KIAA1217: variants seen among roughly 807,000 people sequenced by gnomAD.
KIAA1217 encodes the protein sickle tail protein homolog.
KIAA1217 carries 88 observed loss-of-function variants against 163.9 expected under a neutral mutation model. The ratio of observed to expected loss-of-function variants is 0.54; its 90% CI spans 0.45 to 0.64. The LOEUF (loss-of-function observed/expected upper bound fraction) is 0.64. Ranked by LOEUF, KIAA1217 falls within the 30% of genes least tolerant of loss-of-function variation. The probability of loss-of-function intolerance (pLI) is 0.00; values close to 1 mark genes in which losing one functional copy is unlikely to be tolerated. For synonymous variants in KIAA1217, 903 were observed against 923.1 expected (o/e 0.98, Z 0.39); for missense variants, 2,372 against 2,475.0 (o/e 0.96, Z 0.88).
chr10:24,274,450 C>T (rs570318244), intron 2 of KIAA1217, among the ~76,000 whole-genome samples: 1 of 151,980 alleles, frequency 6.6e-6, no homozygotes, highest in South Asian at 2.1e-4. Flanking sequence ...GTTCTCACAT[C>T]TGCAAAAAAA....
At chr10:23,787,511 A>T (rs1323742406) in intron 1 of KIAA1217, among the ~76,000 whole-genome samples, 1 of 152,108 alleles carries the variant, frequency 6.6e-6, no homozygotes, top group Non-Finnish European at 1.5e-5. Flanking sequence ...GGATCCTAGA[A>T]AATAGACCAT....
chr10:24,478,814 T>G (rs1186482292), intron 6 of KIAA1217, among the ~76,000 whole-genome samples: 2 of 152,246 alleles, frequency 1.3e-5, no homozygotes, highest in African/African-American at 4.8e-5. Flanking sequence ...ATTTATGTTT[T>G]GCTATTTTCT....
chr10:24,220,001 T>C (rs2069358873), intron 2 of KIAA1217, 92 bp downstream of exon 2: 1 of 1,323,524 alleles, frequency 7.6e-7, no homozygotes, highest in Non-Finnish European at 1.0e-6. Context: ...AGGTAAAGGA[T>C]AGCTTAGTGG....
rs1839095345 is a variant in KIAA1217, at chr10:23,847,462, T to C, written c.-321+152228T>C. Among the ~76,000 whole-genome samples the C allele has an allele frequency of 3.9e-5, 6 of 152,192 alleles. No homozygotes were observed. The South Asian group carries it at 1.2e-3, about 32-fold the overall frequency. On this transcript the variant is annotated intron_variant, in intron 1 of 18. Transcript: ENST00000376462. ...TTCCTGGTTTAAACTCGGGAGGGTG[T>C]ATGTGTCCAGGAATTTATCCATTTC...
At chr10:24,059,003 T>A (rs1480066909) in intron 2 of KIAA1217, among the ~76,000 whole-genome samples, 2 of 152,210 alleles carry the variant, frequency 1.3e-5, no homozygotes, top group Non-Finnish European at 2.9e-5. Context: ...TTGAGTATGA[T>A]GTTAGCCATG....
At chr10:23,761,253 A>G (rs1185100967) in intron 1 of KIAA1217, among the ~76,000 whole-genome samples, 6 of 152,136 alleles carry the variant, frequency 3.9e-5, no homozygotes, top group African/African-American at 1.4e-4. Context: ...AAAAACAAAC[A>G]AACAAAAAAC....
rs151140087 is a variant in KIAA1217, at chr10:24,443,524, A to G, written c.846+5045A>G. Among the ~76,000 whole-genome samples the G allele has an allele frequency of 2.0e-3, 306 of 151,906 alleles. 2 individuals are homozygous for G. Among genetic ancestry groups the G allele is most frequent in the Admixed American group, 4.2e-3 (64 of 15,244 alleles). Reference sequence around the variant, plus strand: ...TTCTACTCATCTAACATATTCCAGAACAATTGTCTAATTCCTTCAGCAAAT... The same window carrying G: ...TTCTACTCATCTAACATATTCCAGAGCAATTGTCTAATTCCTTCAGCAAAT... On this transcript the variant is annotated intron_variant, in intron 5 of 20. Transcript: ENST00000376454.
At chr10:23,872,725 A>G (rs549300212) in intron 1 of KIAA1217, among the ~76,000 whole-genome samples, 2 of 152,236 alleles carry the variant, frequency 1.3e-5, no homozygotes, top group Non-Finnish European at 2.9e-5. Context: ...AACATCTTGG[A>G]AAAACAAGCT....
intron 2 of KIAA1217, among the ~76,000 whole-genome samples, chr10:24,153,578 A>G (rs1387159322): frequency 6.6e-6 from 1 of 152,348 alleles, no homozygotes; most frequent in East Asian, 1.9e-4. Context: ...TAAGCAGCCT[A>G]TTATAATCCA....
At chr10:24,349,150 AAAAG>A (rs1305322477) in intron 2 of KIAA1217, among the ~76,000 whole-genome samples, 2 of 151,762 alleles carry the variant, frequency 1.3e-5, no homozygotes, top group Non-Finnish European at 1.5e-5. Context: ...AAAAAAAAAA[AAAAG>A]AGAGATTGAG....
At chr10:23,980,771 C>T (rs1272849835) in intron 1 of KIAA1217, among the ~76,000 whole-genome samples, 1 of 152,136 alleles carries the variant, frequency 6.6e-6, no homozygotes, top group East Asian at 1.9e-4. Context: ...TGACTTGGGT[C>T]ACAATTCCGT....
At chr10:23,876,768 T>C (rs1840717628) in intron 1 of KIAA1217, among the ~76,000 whole-genome samples, 2 of 151,936 alleles carry the variant, frequency 1.3e-5, no homozygotes, top group Non-Finnish European at 2.9e-5. Flanking sequence ...CCTTTGAAAG[T>C]TTTACATTTC....
At chr10:23,829,374 C>T (rs1838063234) in intron 1 of KIAA1217, among the ~76,000 whole-genome samples, 1 of 152,180 alleles carries the variant, frequency 6.6e-6, no homozygotes, top group African/African-American at 2.4e-5. Context: ...GGCAAACTCT[C>T]AGCTCTGTTA....
At chr10:23,786,210 G>T (rs921945030) in intron 1 of KIAA1217, among the ~76,000 whole-genome samples, 3 of 152,102 alleles carry the variant, frequency 2.0e-5, no homozygotes, top group Admixed American at 6.6e-5. Flanking sequence ...AGCTGAAAGA[G>T]TCTAGGAAGG....
At chr10:23,770,684 G>A (rs1453108445) in intron 1 of KIAA1217, among the ~76,000 whole-genome samples, 2 of 152,156 alleles carry the variant, frequency 1.3e-5, no homozygotes, top group Non-Finnish European at 2.9e-5. Context: ...AGTCAATGTA[G>A]GTTTTCTAGC....
At chr10:24,144,438 A>G (rs961977189) in intron 2 of KIAA1217, among the ~76,000 whole-genome samples, 4 of 152,252 alleles carry the variant, frequency 2.6e-5, no homozygotes, top group Non-Finnish European at 5.9e-5. Context: ...TAAGGCACAC[A>G]CATCTGCTTT....
intron 3 of KIAA1217, 46 bp downstream of exon 3, chr10:24,381,113 C>A (rs185271657): frequency 2.3e-5 from 33 of 1,406,966 alleles, no homozygotes; most frequent in Non-Finnish European, 3.1e-5. Flanking sequence ...TTACTGAATG[C>A]GTTTGTTGTT....
chr10:23,892,533 A>G (rs190441924), intron 1 of KIAA1217, among the ~76,000 whole-genome samples: 23 of 151,888 alleles, frequency 1.5e-4, no homozygotes, highest in Non-Finnish European at 2.8e-4. Flanking sequence ...TCTGCTGGCA[A>G]ACTCTGGCCT....
chr10:24,018,477 G>T lies in KIAA1217; in HGVS notation c.-171+11103G>T, dbSNP rs191010778. Among the ~76,000 whole-genome samples the T allele has an allele frequency of 8.1e-3, 1,237 of 151,996 alleles. 15 individuals are homozygous for T. Among genetic ancestry groups the T allele is most frequent in the African/African-American group, 0.028 (1,168 of 41,488 alleles). On this transcript the variant is annotated intron_variant, in intron 2 of 18. Transcript: ENST00000376462. ...AATGCTAAATGATGAGTTAATGGGT[G>T]CAGCACACCAACATGGCACATGTAT...
Sources: gnomAD v4.1 joint callset for allele counts (sites outside exome capture counted in the v4.1 genomes callset) on GRCh38, gnomAD v4.1.1 for gene constraint, MANE v1.5 for transcripts, NCBI Gene and HGNC (gene_info 2026-07-23, HGNC 2026-07-21) for gene names.